The following ZNF699 variants were observed in gnomAD, a reference collection of about 807,000 sequenced individuals.
ZNF699 encodes zinc finger protein 699.
ZNF699 carries 18 observed loss-of-function variants against 22.5 expected under a neutral mutation model. The ratio of observed to expected loss-of-function variants is 0.80; its 90% CI spans 0.55 to 1.19. ZNF699 has a LOEUF of 1.19. ZNF699 is among the 50% of genes most tolerant of loss of function. The pLI is 0.00. For synonymous variants in ZNF699, 241 were observed against 262.3 expected, an observed-to-expected ratio of 0.92 and a Z score of 0.78; for missense variants, 670 against 763.4, an observed-to-expected ratio of 0.88 and a Z score of 1.44.
rs2066272665 is a variant in ZNF699, at chr19:9,293,277, T to C, written c.*2198A>G. Among the ~76,000 whole-genome samples, 1 of 151,848 alleles carries C rather than the reference T, an allele frequency of 6.6e-6. No individual in the cohort carries two copies. The highest frequency in any genetic ancestry group is 1.5e-5 in the Non-Finnish European group (1 of 68,002). On this transcript the variant is annotated 3_prime_UTR_variant, in exon 6 of 6. Coordinates refer to ENST00000591998, the MANE Select transcript of ZNF699 (RefSeq NM_198535.3). ...AGGTAAATGCACACTGTCTGCTGGA[T>C]GACTATAATCAGAAAGAGCTGGACA...
Position 9,295,252 on chromosome 19 carries a change from T to A in ZNF699, c.*223A>T. On this transcript the variant is annotated 3_prime_UTR_variant, in exon 6 of 6. Transcript: ENST00000591998. ...TTCTACTTTAAGGATGAGGCACTGA[T>A]CTTCATTTCTAGTAGAGATTTTCTT... The A allele has an allele frequency of 1.9e-6, 1 of 532,410 alleles. No homozygotes were observed. Among genetic ancestry groups the A allele is most frequent in the Non-Finnish European group, 3.2e-6 (1 of 311,404 alleles). 33.0% of individuals were successfully genotyped at this position (532,410 alleles called of 1,614,324 possible).
In ZNF699 at chr19:9,294,827, ACT is replaced by A. The variant is rs1408694928; in HGVS notation, c.*646_*647del. On this transcript the variant is annotated 3_prime_UTR_variant, in exon 6 of 6. Coordinates refer to ENST00000591998, the MANE Select transcript of ZNF699 (RefSeq NM_198535.3). ...ATAGTAAAAATTTATCATCTCAGAAACTCTAACGTCTCTTAGCAAAAAAGAAT... is the reference window on the plus strand; with the variant it reads ...ATAGTAAAAATTTATCATCTCAGAAACTAACGTCTCTTAGCAAAAAAGAAT... 6 of 152,124 alleles carry A rather than the reference ACT, an allele frequency of 3.9e-5. No homozygotes were observed. Among genetic ancestry groups the A allele is most frequent in the African/African-American group, 7.2e-5 (3 of 41,426 alleles). The allele number at this position is 152,124 out of a possible 1,614,324, so 9.4% of individuals were successfully genotyped here. A position where few individuals can be genotyped will look rare whatever the true frequency, so the allele number is the denominator to read the frequency against.
At position 9,294,475 on chromosome 19, in the gene ZNF699, C is replaced by T. The variant is rs1006930474; in HGVS notation, c.*1000G>A. On this transcript the variant is annotated 3_prime_UTR_variant, in exon 6 of 6. Coordinates refer to ENST00000591998, the MANE Select transcript of ZNF699 (RefSeq NM_198535.3). ...TTGAGCAAATATTGATCAATGAGTC[C>T]AACAGTCAGAAAAATGAGCTGAAAA... is the stretch of plus-strand genomic sequence containing the variant. The T allele has an allele frequency of 2.6e-5, 4 of 152,104 alleles. No individual in the cohort carries two copies. Among genetic ancestry groups the T allele is most frequent in the Non-Finnish European group, 5.9e-5 (4 of 68,036 alleles). 9.4% of individuals were successfully genotyped at this position (152,104 alleles called of 1,614,324 possible).
chr19:9,304,921 C>A (rs376152872), intron 2 of ZNF699, 151 bp downstream of exon 2: 2,077 of 304,352 alleles, frequency 6.8e-3, no homozygotes, highest in African/African-American at 0.018. Context: ...GACTCTGTCT[C>A]AAAAAAAAAA....
At chr19:9,298,421 G>T (rs542873921) in intron 3 of ZNF699, among the ~76,000 whole-genome samples, 1 of 148,724 alleles carries the variant, frequency 6.7e-6, no homozygotes, top group African/African-American at 2.5e-5. Flanking sequence ...ACTCCCGCCC[G>T]GGCGACAGAG....
At chr19:9,302,614 T>C (rs1435090968) in intron 2 of ZNF699, 110 bp from the exon 3 acceptor site, 1 of 1,214,482 alleles carries the variant, frequency 8.2e-7, no homozygotes, top group Non-Finnish European at 1.1e-6. Context: ...CATAGGAAGT[T>C]CAGAAGATCC....
Position 9,297,287 on chromosome 19 carries a change from G to T in ZNF699, c.470+9C>A, listed in dbSNP as rs1006033128. On this transcript the variant is annotated intron_variant, in intron 5 of 5. Coordinates refer to ENST00000591998, the MANE Select transcript of ZNF699 (RefSeq NM_198535.3). The surrounding 1 kb of genome is among the most constrained non-coding windows in gnomAD (Gnocchi z 4.3). ...GAGGCACTTTCTCTTTCTCACGAAT[G>T]GCACTCACCTCAAATGTCTCTCATG... 4.5e-5 allele frequency: 71 copies of T among 1,569,540 alleles called. No individual in the cohort carries two copies. The highest frequency in any genetic ancestry group is 6.0e-5 in the Non-Finnish European group (70 of 1,169,560).
chr19:9,302,320 T>C (rs998572033), intron 3 of ZNF699, 58 bp downstream of exon 3: 2 of 1,597,838 alleles, frequency 1.3e-6, no homozygotes, highest in African/African-American at 2.7e-5. Context: ...ATAAAGTCAA[T>C]TTAGTGAGAT....
At position 9,295,647 on chromosome 19, in the gene ZNF699, G is replaced by T. The variant is rs1568344482; in HGVS notation, c.1757C>A (p.Pro586His). 2 of 1,614,024 alleles carry T rather than the reference G, an allele frequency of 1.2e-6. No homozygotes were observed. Among genetic ancestry groups the T allele is most frequent in the Admixed American group, 3.3e-5 (2 of 60,014 alleles). Residue 586 changes from proline (P) to histidine (H), a missense_variant, in exon 6 of 6, where the codon CCC (proline) becomes CAC (histidine). Coordinates refer to ENST00000591998, the MANE Select transcript of ZNF699 (RefSeq NM_198535.3). ...TTTTCCACATTCCAGACATTCAAAGGGTTTCTCTCCAGTGTGCATTCTTGC... is the reference window on the plus strand; with the variant it reads ...TTTTCCACATTCCAGACATTCAAAGTGTTTCTCTCCAGTGTGCATTCTTGC... ...VHARMHTGEKPFECLECGKAF... is the reference protein window; with the variant it reads ...VHARMHTGEKHFECLECGKAF...
chr19:9,305,389 T>C (rs546464205), intron 1 of ZNF699, among the ~76,000 whole-genome samples: 11 of 152,292 alleles, frequency 7.2e-5, no homozygotes, highest in African/African-American at 2.6e-4. Context: ...CTGGTCCTTG[T>C]TGATCATAAA....
In ZNF699 at chr19:9,297,307, C is replaced by T; in HGVS notation, c.459G>A (p.Glu153=). 1 of 1,591,390 alleles carries T rather than the reference C, an allele frequency of 6.3e-7. No homozygotes were observed. Among genetic ancestry groups the T allele is most frequent in the Non-Finnish European group, 8.5e-7 (1 of 1,175,670 alleles). ...CGAATGGCACTCACCTCAAATGTCT[C>T]TCATGGCTTTTGTTCTGATAATCAA... is the stretch of plus-strand genomic sequence containing the variant. ...CGIDYQNKSH[E]RHLRNHMVEN... Residue 153 remains glutamate, a synonymous_variant, in exon 5 of 6, where the codon GAG becomes GAA. Transcript: ENST00000591998. The surrounding 1 kb of genome is among the most constrained non-coding windows in gnomAD (Gnocchi z 4.3).
intron 1 of ZNF699, among the ~76,000 whole-genome samples, chr19:9,308,854 G>T (rs940859195): frequency 3.3e-5 from 5 of 152,214 alleles, no homozygotes; most frequent in Non-Finnish European, 7.3e-5. Context: ...GAAACTGACA[G>T]ATGACCAAAT....
In ZNF699 at chr19:9,296,740, G is replaced by T; in HGVS notation, c.664C>A (p.Pro222Thr). 6.2e-7 allele frequency: 1 copy of T among 1,614,100 alleles called. No homozygotes were observed. The highest frequency in any genetic ancestry group is 2.2e-5 in the East Asian group (1 of 44,878). ...TTCCCACATTCCTTGCACTGATAGGGTTTGCTTCCAGTATGAGACCTGATG... is the reference window on the plus strand; with the variant it reads ...TTCCCACATTCCTTGCACTGATAGGTTTTGCTTCCAGTATGAGACCTGATG... ...SHIRSHTGSK[P>T]YQCKECGKAF... Residue 222 changes from proline (P) to threonine (T), a missense_variant, in exon 6 of 6, where the codon CCC becomes ACC. Coordinates refer to ENST00000591998, the MANE Select transcript of ZNF699 (RefSeq NM_198535.3).
chr19:9,299,704 T>C (rs933074090), intron 3 of ZNF699, among the ~76,000 whole-genome samples: 2 of 151,930 alleles, frequency 1.3e-5, no homozygotes, highest in South Asian at 4.1e-4. Context: ...TGAAAGACAA[T>C]GTCAACAGAA....
intron 3 of ZNF699, among the ~76,000 whole-genome samples, chr19:9,298,690 C>T (rs1170870314): frequency 2.0e-5 from 3 of 152,102 alleles, no homozygotes; most frequent in Non-Finnish European, 1.5e-5. Context: ...AGACTTTATG[C>T]CACCCACAAC....
At chr19:9,298,400 C>T (rs1294169554) in intron 3 of ZNF699, among the ~76,000 whole-genome samples, 1 of 146,644 alleles carries the variant, frequency 6.8e-6, no homozygotes, top group Non-Finnish European at 1.5e-5. Flanking sequence ...GAGCTGAGAT[C>T]GTGCCACTGC....
Position 9,297,812 on chromosome 19 carries a change from T to C in ZNF699, c.286+68A>G. The C allele has an allele frequency of 8.1e-7, 1 of 1,238,402 alleles. No individual in the cohort carries two copies. Among genetic ancestry groups the C allele is most frequent in the Non-Finnish European group, 1.2e-6 (1 of 846,230 alleles). 76.7% of individuals were successfully genotyped at this position (1,238,402 alleles called of 1,614,324 possible). ...GAGCTTCCTCATATAAAACAAAGTT[T>C]GTTTTTGTTTTTTACTTTAAGTTTA... On this transcript the variant is annotated intron_variant, in intron 4 of 5. Transcript: ENST00000591998. The surrounding 1 kb of genome is among the most constrained non-coding windows in gnomAD (Gnocchi z 4.3).
Position 9,292,603 on chromosome 19 carries a change from T to G in ZNF699, c.*2872A>C, listed in dbSNP as rs2066269083. Among the ~76,000 whole-genome samples, 1 of 152,148 alleles carries G rather than the reference T, an allele frequency of 6.6e-6. No homozygotes were observed. Among genetic ancestry groups the G allele is most frequent in the Non-Finnish European group, 1.5e-5 (1 of 68,032 alleles). ...GAAGCTCGTTATACCCAAGGACTTT[T>G]TAGTAATAAATTATTTAAACCAACA... On this transcript the variant is annotated 3_prime_UTR_variant, in exon 6 of 6. Transcript: ENST00000591998.
intron 3 of ZNF699, among the ~76,000 whole-genome samples, chr19:9,298,899 T>G (rs2066296958): frequency 6.6e-6 from 1 of 152,160 alleles, no homozygotes; most frequent in Admixed American, 6.5e-5. Flanking sequence ...CAGCTGACCT[T>G]GACAAAATAG....
Sources: allele counts gnomAD v4.1 joint callset (sites outside exome capture counted in the v4.1 genomes callset), GRCh38; gene constraint gnomAD v4.1.1; non-coding constraint Gnocchi (gnomAD v3.1); transcripts MANE v1.5; gene names NCBI Gene and HGNC (gene_info 2026-07-23, HGNC 2026-07-21).